Variants in SP7 observed in about 807,000 individuals in gnomAD.
SP7 encodes Sp7 transcription factor, also known as transcription factor Sp7.
SP7 carries 13 observed loss-of-function variants against 27.9 expected under a neutral mutation model. The ratio of observed to expected loss-of-function variants is 0.47; its 90% CI spans 0.30 to 0.74. The LOEUF (loss-of-function observed/expected upper bound fraction) is 0.74. Ranked by LOEUF, SP7 falls within the 30% of genes least tolerant of loss-of-function variation. The pLI, the probability that SP7 is intolerant of heterozygous loss-of-function variation, is 0.06. For synonymous variants in SP7, 219 were observed against 226.7 expected, an observed-to-expected ratio of 0.97 and a Z score of 0.31; for missense variants, 525 against 558.0, an observed-to-expected ratio of 0.94 and a Z score of 0.60.
At chr12:53,342,969 A>G (rs1944836339) in intron 1 of SP7, among the ~76,000 whole-genome samples, 8 of 151,832 alleles carry the variant, frequency 5.3e-5, no homozygotes, top group Admixed American at 5.2e-4. Flanking sequence ...TAAGTAAAGA[A>G]ACTGAAGGAC....
intron 2 of SP7, among the ~76,000 whole-genome samples, chr12:53,334,767 A>C (rs1289556252): frequency 1.3e-5 from 2 of 152,172 alleles, no homozygotes; most frequent in Non-Finnish European, 2.9e-5. Flanking sequence ...GGTCCCCCAG[A>C]AGCCAGAGTA....
At chr12:53,338,626 A>C (rs1592537398), upstream of SP7, among the ~76,000 whole-genome samples, 1 of 152,010 alleles carries the variant, frequency 6.6e-6, no homozygotes, top group East Asian at 1.9e-4. Context: ...TTAATCCCTA[A>C]CCCTACCCGG....
chr12:53,334,171 G>C (rs2016266), intron 2 of SP7, among the ~76,000 whole-genome samples: 2 of 151,932 alleles, frequency 1.3e-5, no homozygotes, highest in East Asian at 3.9e-4. Context: ...TTGCAGCTAC[G>C]GGTAGACCCC....
rs1442040641 is a variant in SP7, at chr12:53,328,256, T to C, written c.1186A>G (p.Ser396Gly). The C allele has an allele frequency of 2.5e-6, 4 of 1,612,094 alleles. No individual in the cohort carries two copies. Among genetic ancestry groups the C allele is most frequent in the Non-Finnish European group, 3.4e-6 (4 of 1,179,028 alleles). ...SGPKELGEGRSTGEEEASQTP... is the reference protein window; with the variant it reads ...SGPKELGEGRGTGEEEASQTP... ...TGACTGGCCTCCTCTTCCCCCGTGC[T>C]GCGGCCCTCCCCCAGCTCCTTGGGG... The change falls in exon 3 of 3, where the codon AGC (serine) becomes GGC (glycine). Residue 396 changes from serine to glycine, a missense_variant. Transcript: ENST00000536324. The surrounding 1 kb of genome is among the most constrained non-coding windows in gnomAD (Gnocchi z 5.1).
At chr12:53,337,411 G>C (rs77603073), upstream of SP7, among the ~76,000 whole-genome samples, 8 of 152,386 alleles carry the variant, frequency 5.2e-5, no homozygotes, top group East Asian at 1.5e-3. Context: ...CATGGGCCCT[G>C]AGGTATTTAT....
At chr12:53,336,030 C>T (rs917760123) in intron 1 of SP7, 116 bp downstream of exon 1, 11 of 241,802 alleles carry the variant, frequency 4.5e-5, no homozygotes, top group South Asian at 3.9e-4. Context: ...AGGGCTTCCT[C>T]GGGGGGCTGC....
upstream of SP7, among the ~76,000 whole-genome samples, chr12:53,338,440 G>C (rs1172621788): frequency 6.6e-6 from 1 of 152,158 alleles, no homozygotes; most frequent in Admixed American, 6.5e-5. Flanking sequence ...GGAGGAGAAA[G>C]TCTAGATTCT....
chr12:53,329,399 T>A lies in SP7; in HGVS notation c.43A>T (p.Ser15Cys). The A allele has an allele frequency of 6.2e-7, 1 of 1,613,948 alleles. No individual in the cohort carries two copies. Among genetic ancestry groups the A allele is most frequent in the African/African-American group, 1.3e-5 (1 of 75,042 alleles). ...GCTGCCGTCAGCATGGCCAGGGGAC[T>A]GGAGCCATAGTGAACTTCCTCCTGT... ...LLEEEVHYGS[S>C]PLAMLTAACS... The change falls in exon 3 of 3, where the codon AGT (serine) becomes TGT (cysteine). Residue 15 changes from serine to cysteine, a missense_variant. Transcript: ENST00000536324.
At chr12:53,334,923 T>TA (rs1389027898) in intron 2 of SP7, among the ~76,000 whole-genome samples, 2 of 152,306 alleles carry the variant, frequency 1.3e-5, no homozygotes, top group African/African-American at 4.8e-5. Context: ...ACTCCCAAAA[T>TA]AGAGCTGAGT....
intron 2 of SP7, among the ~76,000 whole-genome samples, chr12:53,333,417 T>C (rs1281201250): frequency 2.6e-5 from 4 of 151,994 alleles, no homozygotes; most frequent in Non-Finnish European, 4.4e-5. Flanking sequence ...ATAGGAGCTG[T>C]CCCAACTCTC....
chr12:53,331,344 C>T (rs950724619), intron 2 of SP7, among the ~76,000 whole-genome samples: 2 of 151,780 alleles, frequency 1.3e-5, no homozygotes, highest in African/African-American at 4.8e-5. Flanking sequence ...TGGTGGCAGG[C>T]GCCTGTAATC....
Position 53,328,130 on chromosome 12 carries a change from A to G in SP7, c.*16T>C, listed in dbSNP as rs763440084. 8.4e-5 allele frequency: 134 copies of G among 1,592,998 alleles called. 1 individual carries two copies. In the South Asian group the frequency reaches 1.4e-3, roughly 17 times the overall value. On this transcript the variant is annotated 3_prime_UTR_variant, in exon 3 of 3. Coordinates refer to ENST00000536324, the MANE Select transcript of SP7 (RefSeq NM_001173467.3). This position sits in a 1 kb window ranked among gnomAD's most constrained non-coding sequence, Gnocchi z 5.1. ...ACTGTCAGGGCAGCCCTGGGGTGGG[A>G]GACCTTCCACCCGGCTCAGATCTCC... is the stretch of plus-strand genomic sequence containing the variant.
chr12:53,329,729 G>A (rs367998148), intron 2 of SP7, among the ~76,000 whole-genome samples: 1 of 151,906 alleles, frequency 6.6e-6, no homozygotes, highest in African/African-American at 2.4e-5. Flanking sequence ...AGGAACAGGA[G>A]GTTCTTTTTC....
In SP7 at chr12:53,328,358, G is replaced by T; in HGVS notation, c.1084C>A (p.Arg362Ser). The change falls in exon 3 of 3, where the codon CGC (arginine) becomes AGC (serine). Residue 362 changes from arginine to serine, a missense_variant. By Grantham distance (110) the Arg-to-Ser change is moderately radical. Transcript: ENST00000536324. This position sits in a 1 kb window ranked among gnomAD's most constrained non-coding sequence, Gnocchi z 5.1. ...CTCAGGTGGTCGCTTCGGGTAAAGC[G>T]CTTGGAGCAGAGCAGGCAGGTGAAC... is the stretch of plus-strand genomic sequence containing the variant. ...KKFTCLLCSK[R>S]FTRSDHLSKH... 6.2e-7 allele frequency: 1 copy of T among 1,613,132 alleles called. No individual in the cohort carries two copies. The highest frequency in any genetic ancestry group is 8.5e-7 in the Non-Finnish European group (1 of 1,179,262).
In SP7 at chr12:53,328,798, AGGTGGGGAGCTG is replaced by A; in HGVS notation, c.632_643del (p.Pro211_His214del). 1 of 1,596,692 alleles carries A rather than the reference AGGTGGGGAGCTG, an allele frequency of 6.3e-7. No homozygotes were observed. Among genetic ancestry groups the A allele is most frequent in the Non-Finnish European group, 8.6e-7 (1 of 1,168,072 alleles). ...GACATGCTGGGGCCCTGGTTGCAAGAGGTGGGGAGCTGGGTAGGGGGCTGGATTAAGGGGAGC... is the reference window on the plus strand; with the variant it reads ...GACATGCTGGGGCCCTGGTTGCAAGAGGTAGGGGGCTGGATTAAGGGGAGC... On this transcript the variant is annotated inframe_deletion, in exon 3 of 3. Coordinates refer to ENST00000536324, the MANE Select transcript of SP7 (RefSeq NM_001173467.3). This position sits in a 1 kb window ranked among gnomAD's most constrained non-coding sequence, Gnocchi z 5.1.
intron 2 of SP7, among the ~76,000 whole-genome samples, chr12:53,334,511 G>GAGT (rs1469532676): frequency 2.6e-5 from 4 of 152,208 alleles, no homozygotes; most frequent in Non-Finnish European, 5.9e-5. Context: ...CTTCCTGTTT[G>GAGT]GCCCAGCACC....
rs934182528 is a variant in SP7 at position 53,329,045 on chromosome 12, G to C, written c.397C>G (p.His133Asp). Residue 133 changes from histidine (H) to aspartate (D), a missense_variant, in exon 3 of 3, where the codon CAC (histidine) becomes GAC (aspartate). Physicochemically the swap from His to Asp is moderately conservative, Grantham distance 81. Transcript: ENST00000536324. ...GCCTTGTACCAGGAGCCATAGGGGT[G>C]TGTCATGTCCAGAGAGGTGTAGACA... is the stretch of plus-strand genomic sequence containing the variant. ...PSVYTSLDMTHPYGSWYKAGI... is the reference protein window; with the variant it reads ...PSVYTSLDMTDPYGSWYKAGI... 1 of 1,613,886 alleles carries C rather than the reference G, an allele frequency of 6.2e-7. No individual in the cohort carries two copies. Among genetic ancestry groups the C allele is most frequent in the Non-Finnish European group, 8.5e-7 (1 of 1,179,860 alleles).
At chr12:53,334,417 C>T (rs1266027651) in intron 2 of SP7, among the ~76,000 whole-genome samples, 1 of 152,012 alleles carries the variant, frequency 6.6e-6, no homozygotes, top group Non-Finnish European at 1.5e-5. Flanking sequence ...CTAACGATTA[C>T]ACTCAGGCCA....
intron 2 of SP7, among the ~76,000 whole-genome samples, chr12:53,332,211 T>C (rs1165342982): frequency 2.0e-5 from 3 of 151,834 alleles, no homozygotes; most frequent in Non-Finnish European, 4.4e-5. Context: ...CCCAGAGATA[T>C]GGGGCACAAA....
Sources: allele counts gnomAD v4.1 joint callset (sites outside exome capture counted in the v4.1 genomes callset), GRCh38; gene constraint gnomAD v4.1.1; non-coding constraint Gnocchi (gnomAD v3.1); transcripts MANE v1.5; gene names NCBI Gene and HGNC (gene_info 2026-07-23, HGNC 2026-07-21).